SLC4A7: variants seen among roughly 807,000 people sequenced by gnomAD.
The protein encoded by SLC4A7 is solute carrier family 4 member 7.
Under a neutral mutation model 137.6 loss-of-function variants are expected in SLC4A7, and 51 were observed. The ratio of observed to expected loss-of-function variants is 0.37; its 90% confidence interval spans 0.30 to 0.47. SLC4A7 has a LOEUF of 0.47. SLC4A7 is among the 20% of genes least tolerant of loss of function. The pLI is 1.00. For synonymous variants in SLC4A7, 542 were observed against 518.6 expected (o/e 1.05, Z -0.61); for missense variants, 1,247 against 1,525.4 (o/e 0.82, Z 3.04).
At chr3:27,478,090 A>G (rs1421685365) in intron 1 of SLC4A7, among the ~76,000 whole-genome samples, 2 of 152,338 alleles carry the variant, frequency 1.3e-5, no homozygotes, top group East Asian at 1.9e-4. Context: ...GAAGCAATAC[A>G]GTCCTGGAAT....
chr3:27,458,894 G>T (rs542631082), intron 1 of SLC4A7, among the ~76,000 whole-genome samples: 1 of 152,342 alleles, frequency 6.6e-6, no homozygotes, highest in Non-Finnish European at 1.5e-5. Context: ...GGAGGCTGAG[G>T]AAAGAGAATT....
intron 16 of SLC4A7, among the ~76,000 whole-genome samples, chr3:27,398,763 T>C (rs2052458563): frequency 6.6e-6 from 1 of 152,144 alleles, no homozygotes; most frequent in Non-Finnish European, 1.5e-5. Flanking sequence ...AAGCAGCAGA[T>C]AGAAAATTAA....
chr3:27,408,673 C>CA (rs1311904892), intron 13 of SLC4A7, among the ~76,000 whole-genome samples: 9 of 152,086 alleles, frequency 5.9e-5, no homozygotes, highest in Admixed American at 2.0e-4. Context: ...TGCATATCAA[C>CA]AACAACAAAG....
Position 27,400,808 on chromosome 3 carries a change from T to C in SLC4A7, c.2383A>G (p.Asn795Asp). The change falls in exon 16 of 26, where the codon AAT (asparagine) becomes GAT (aspartate). Residue 795 changes from asparagine to aspartate, a missense_variant. Physicochemically the swap from Asn to Asp is conservative, Grantham distance 23 (BLOSUM62 1). This residue lies in a region of SLC4A7 where 499 missense variants were observed against 664.2 expected (regional missense o/e 0.75). Transcript: ENST00000454389. Reference sequence around the variant, plus strand: ...CAGGAAATATTGTGTGCTGTTATATTATCTTTCTTCCATTGTGCTAGAGTT... The same window carrying C: ...CAGGAAATATTGTGTGCTGTTATATCATCTTTCTTCCATTGTGCTAGAGTT... ...NETLAQWKKDNITAHNISWRN... is the reference protein window; with the variant it reads ...NETLAQWKKDDITAHNISWRN... The C allele has an allele frequency of 6.2e-7, 1 of 1,608,720 alleles. No individual in the cohort carries two copies. Among genetic ancestry groups the C allele is most frequent in the Non-Finnish European group, 8.5e-7 (1 of 1,175,252 alleles).
chr3:27,392,098 C>G (rs767779200), intron 20 of SLC4A7, among the ~76,000 whole-genome samples: 1 of 152,142 alleles, frequency 6.6e-6, no homozygotes, highest in Non-Finnish European at 1.5e-5. Context: ...GTTTCTATAT[C>G]AGATTGCTGT....
intron 1 of SLC4A7, among the ~76,000 whole-genome samples, chr3:27,482,720 C>T (rs950591551): frequency 6.6e-6 from 1 of 152,004 alleles, no homozygotes; most frequent in Non-Finnish European, 1.5e-5. Flanking sequence ...TGCAGTGAGC[C>T]GAGATCGCAC....
intron 2 of SLC4A7, among the ~76,000 whole-genome samples, chr3:27,450,350 G>A (rs905546485): frequency 3.3e-5 from 5 of 152,024 alleles, no homozygotes; most frequent in African/African-American, 4.8e-5. Flanking sequence ...GATATGTTTC[G>A]AGAATTAGAC....
intron 25 of SLC4A7, among the ~76,000 whole-genome samples, chr3:27,378,021 CAG>C (rs2050066894): frequency 6.6e-6 from 1 of 152,072 alleles, no homozygotes; most frequent in Non-Finnish European, 1.5e-5. Flanking sequence ...CTAACAAGGC[CAG>C]AGGTGCTGAC....
intron 1 of SLC4A7, among the ~76,000 whole-genome samples, chr3:27,483,829 G>A (rs1159626861): frequency 6.6e-6 from 1 of 151,360 alleles, no homozygotes; most frequent in South Asian, 2.1e-4. Flanking sequence ...GATGCCCGCG[G>A]CGCGCCGCCG....
intron 18 of SLC4A7, among the ~76,000 whole-genome samples, 193 bp downstream of exon 18, chr3:27,397,491 A>G (rs1008158280): frequency 2.0e-5 from 3 of 152,134 alleles, no homozygotes; most frequent in Non-Finnish European, 4.4e-5. Flanking sequence ...TTAAGTTCAC[A>G]TGTCTCTTTT....
chr3:27,398,173 A>G lies in SLC4A7; in HGVS notation c.2589+19T>C. 2 of 1,574,378 alleles carry G rather than the reference A, an allele frequency of 1.3e-6. No individual in the cohort carries two copies. The highest frequency in any genetic ancestry group is 1.7e-6 in the Non-Finnish European group (2 of 1,159,528). On this transcript the variant is annotated intron_variant, in intron 17 of 25. Coordinates refer to ENST00000454389, the MANE Select transcript of SLC4A7 (RefSeq NM_001321103.2). ...AAAATATGAATATTACCAGAATTCC[A>G]AAATTATATCACAGTTACCTTGGTA...
chr3:27,411,147 C>T (rs574067077), intron 12 of SLC4A7, among the ~76,000 whole-genome samples: 5 of 152,240 alleles, frequency 3.3e-5, no homozygotes, highest in African/African-American at 7.2e-5. Context: ...ACTTCTTAAA[C>T]AATTTTTCTA....
chr3:27,391,623 C>A, intron 21 of SLC4A7, 117 bp downstream of exon 21: 1 of 653,162 alleles, frequency 1.5e-6, no homozygotes, highest in Non-Finnish European at 2.7e-6. Flanking sequence ...AGTTAGAAAA[C>A]TAACCTCCCC....
Position 27,394,606 on chromosome 3 carries a change from T to C in SLC4A7, c.3029A>G (p.Lys1010Arg). 1 of 1,614,164 alleles carries C rather than the reference T, an allele frequency of 6.2e-7. No individual in the cohort carries two copies. The change falls in exon 20 of 26, where the codon AAG becomes AGG. Residue 1010 changes from lysine (K) to arginine (R), a missense_variant. Coordinates refer to ENST00000454389, the MANE Select transcript of SLC4A7 (RefSeq NM_001321103.2). Reference sequence around the variant, plus strand: ...CCGCTGTTCACGAATTCCCAAAAACTTGGGTTGTTCCCCTGGAGCAGAACA... The same window carrying C: ...CCGCTGTTCACGAATTCCCAAAAACCTGGGTTGTTCCCCTGGAGCAGAACA... ...SECSAPGEQP[K>R]FLGIREQRVT...
In SLC4A7 at chr3:27,398,251, T is replaced by C. The variant is rs145395117; in HGVS notation, c.2530A>G (p.Thr844Ala). ...LFWCVILFFTTFFLSSFLKQF... is the reference protein window; with the variant it reads ...LFWCVILFFTAFFLSSFLKQF... Reference sequence around the variant, plus strand: ...TTGAGGAATGAAGACAGAAAAAATGTTGTGAAAAACAAGATGACACACCAA... The same window carrying C: ...TTGAGGAATGAAGACAGAAAAAATGCTGTGAAAAACAAGATGACACACCAA... The change falls in exon 17 of 26, where the codon ACA becomes GCA. Residue 844 changes from threonine to alanine, a missense_variant. Physicochemically the swap from Thr to Ala is moderately conservative, Grantham distance 58. Coordinates refer to ENST00000454389, the MANE Select transcript of SLC4A7 (RefSeq NM_001321103.2). 2.2e-4 allele frequency: 352 copies of C among 1,613,234 alleles called. No individual in the cohort carries two copies. The highest frequency in any genetic ancestry group is 5.5e-4 in the Admixed American group (33 of 59,998).
chr3:27,458,262 C>A (rs1430892574), intron 1 of SLC4A7, among the ~76,000 whole-genome samples: 1 of 152,160 alleles, frequency 6.6e-6, no homozygotes, highest in African/African-American at 2.4e-5. Context: ...TATAAGCTAG[C>A]AAAATAGATG....
At chr3:27,411,456 A>T (rs1173064528) in intron 12 of SLC4A7, among the ~76,000 whole-genome samples, 186 bp downstream of exon 12, 3 of 151,480 alleles carry the variant, frequency 2.0e-5, no homozygotes, top group African/African-American at 7.3e-5. Context: ...ACATACTATT[A>T]AAATTATTTA....
chr3:27,421,906 T>G (rs1253888030), intron 8 of SLC4A7, 127 bp from the exon 9 acceptor site: 1 of 677,166 alleles, frequency 1.5e-6, no homozygotes, highest in Non-Finnish European at 2.4e-6. Flanking sequence ...TAATGAATGT[T>G]TAAAATGTCA....
At chr3:27,449,601 G>A (rs1229624278) in intron 2 of SLC4A7, among the ~76,000 whole-genome samples, 2 of 152,118 alleles carry the variant, frequency 1.3e-5, no homozygotes, top group African/African-American at 4.8e-5. Context: ...AAAAGCTACT[G>A]CTGATATTGC....
Sources: allele counts gnomAD v4.1 joint callset (sites outside exome capture counted in the v4.1 genomes callset), GRCh38; gene constraint gnomAD v4.1.1; regional missense constraint gnomAD v4.1.1; transcripts MANE v1.5; gene names NCBI Gene and HGNC (gene_info 2026-07-23, HGNC 2026-07-21).